Variants in MAGI1 observed in about 807,000 individuals in gnomAD.
MAGI1 encodes the protein membrane associated guanylate kinase, WW and PDZ domain containing 1.
MAGI1 carries 58 observed loss-of-function variants against 139.9 expected under a neutral mutation model. That is an observed-to-expected ratio of 0.41 (90% CI 0.34 to 0.52). MAGI1 has a LOEUF of 0.52. MAGI1 is among the 20% of genes least tolerant of loss of function. The probability of loss-of-function intolerance (pLI) is 0.12; values close to 1 mark genes in which losing one functional copy is unlikely to be tolerated. For missense variants in MAGI1, 1,874 were observed against 1,901.6 expected, an observed-to-expected ratio of 0.99 and a Z score of 0.27; for synonymous variants, 812 against 737.9, an observed-to-expected ratio of 1.10 and a Z score of -1.63.
rs114713124 is a variant in MAGI1, at chr3:65,635,963, T to C, written c.314-13875A>G. On this transcript the variant is annotated intron_variant, in intron 1 of 22. Transcript: ENST00000402939. ...ACTGTGAGAGCAGAAACCACTGTGATACACACATCATTTGATGGGTCTGAA... is the reference window on the plus strand; with the variant it reads ...ACTGTGAGAGCAGAAACCACTGTGACACACACATCATTTGATGGGTCTGAA... 7.4e-3 allele frequency among the ~76,000 whole-genome samples: 1,124 copies of C among 152,320 alleles called. 10 individuals are homozygous for C. The highest frequency in any genetic ancestry group is 0.026 in the African/African-American group (1,087 of 41,584).
At position 65,896,978 on chromosome 3, in the gene MAGI1, T is replaced by A. The variant is rs141606617; in HGVS notation, c.313+141018A>T. The stretch of plus-strand genomic sequence containing the variant: ...CCAGGATCCCCTTGGATACCAAAAA[T>A]CCACAGATGCTCACATCTCTGATAT... On this transcript the variant is annotated intron_variant, in intron 1 of 22. Coordinates refer to ENST00000402939, the MANE Select transcript of MAGI1 (RefSeq NM_001033057.2). Among the ~76,000 whole-genome samples the A allele has an allele frequency of 3.0e-3, 456 of 152,218 alleles. 1 individual carries two copies. Among genetic ancestry groups the A allele is most frequent in the African/African-American group, 0.011 (445 of 41,532 alleles).
chr3:65,694,712 G>A (rs1445811570), intron 1 of MAGI1, among the ~76,000 whole-genome samples: 1 of 152,174 alleles, frequency 6.6e-6, no homozygotes, highest in Non-Finnish European at 1.5e-5. Context: ...TTGTACTCCT[G>A]TGACTAACCC....
chr3:65,743,505 C>T lies in MAGI1; in HGVS notation c.314-121417G>A, dbSNP rs529891878. ...GGCAGATCACCTGAGGTCAGTAGTT[C>T]GAGACCAGCCTGGCCAACATGGTGA... On this transcript the variant is annotated intron_variant, in intron 1 of 22. Coordinates refer to ENST00000402939, the MANE Select transcript of MAGI1 (RefSeq NM_001033057.2). Among the ~76,000 whole-genome samples, 6 of 151,920 alleles carry T rather than the reference C, an allele frequency of 3.9e-5. No individual in the cohort carries two copies. In the East Asian group the frequency reaches 5.8e-4, roughly 15 times the overall value.
At chr3:66,022,191 G>C (rs1311910195) in intron 1 of MAGI1, among the ~76,000 whole-genome samples, 1 of 152,096 alleles carries the variant, frequency 6.6e-6, no homozygotes, top group African/African-American at 2.4e-5. Context: ...CTTTCTTTGG[G>C]ATAATTTATT....
Position 65,356,798 on chromosome 3 carries a change from T to C in MAGI1, c.3969A>G (p.Pro1323=). The change falls in exon 23 of 23, where the codon CCA becomes CCG. Residue 1323 remains proline (P), a synonymous_variant. Coordinates refer to ENST00000402939, the MANE Select transcript of MAGI1 (RefSeq NM_001033057.2). ...TGCGGGTGCCCTCCCTCCGCTTCTCTGGGGACCGCCTCTTGGGGCCGTTGG... is the reference window on the plus strand; with the variant it reads ...TGCGGGTGCCCTCCCTCCGCTTCTCCGGGGACCGCCTCTTGGGGCCGTTGG... ...AAANGPKRRS[P]EKRREGTRSA... 5.6e-6 allele frequency: 9 copies of C among 1,611,084 alleles called. No individual in the cohort carries two copies. Among genetic ancestry groups the C allele is most frequent in the East Asian group, 4.5e-5 (2 of 44,772 alleles).
At chr3:65,898,479 A>T (rs2061076593) in intron 1 of MAGI1, among the ~76,000 whole-genome samples, 1 of 152,236 alleles carries the variant, frequency 6.6e-6, no homozygotes, top group Non-Finnish European at 1.5e-5. Context: ...AAAAAATTAT[A>T]TACACAAATA....
chr3:66,024,325 A>G (rs1265848087), intron 1 of MAGI1, among the ~76,000 whole-genome samples: 1 of 150,484 alleles, frequency 6.6e-6, no homozygotes, highest in Non-Finnish European at 1.5e-5. Flanking sequence ...TAAAAAAAAA[A>G]AAAAAAAAAA....
chr3:65,533,561 T>C (rs1234458793), intron 2 of MAGI1, among the ~76,000 whole-genome samples: 2 of 152,210 alleles, frequency 1.3e-5, no homozygotes, highest in African/African-American at 2.4e-5. Flanking sequence ...TACGTAATTA[T>C]TGAAAAATTC....
intron 1 of MAGI1, among the ~76,000 whole-genome samples, chr3:65,948,446 C>T (rs2063646341): frequency 6.6e-6 from 1 of 152,042 alleles, no homozygotes; most frequent in Non-Finnish European, 1.5e-5. Flanking sequence ...ATACATGTGC[C>T]CTTTTATTAT....
intron 1 of MAGI1, among the ~76,000 whole-genome samples, chr3:65,789,353 C>G (rs1217852945): frequency 6.6e-6 from 1 of 152,168 alleles, no homozygotes; most frequent in Admixed American, 6.5e-5. Context: ...AAGAGCTCCT[C>G]TAGGCTGTAA....
chr3:65,796,206 C>G (rs2040138409), intron 1 of MAGI1, among the ~76,000 whole-genome samples: 1 of 152,092 alleles, frequency 6.6e-6, no homozygotes, highest in African/African-American at 2.4e-5. Flanking sequence ...CTTCTTCCTC[C>G]CAGGAGCTCT....
At chr3:65,691,776 TTCTG>T (rs2088681194) in intron 1 of MAGI1, among the ~76,000 whole-genome samples, 1 of 152,178 alleles carries the variant, frequency 6.6e-6, no homozygotes, top group Non-Finnish European at 1.5e-5. Flanking sequence ...CATTTATCAA[TTCTG>T]TATTTGAGAC....
rs2085927848 is a variant in MAGI1, at chr3:65,657,203, CTAAG to C, written c.314-35119_314-35116del. Among the ~76,000 whole-genome samples the C allele has an allele frequency of 2.0e-5, 3 of 152,044 alleles. No homozygotes were observed. The South Asian group carries it at 6.2e-4, about 32-fold the overall frequency. On this transcript the variant is annotated intron_variant, in intron 1 of 22. Coordinates refer to ENST00000402939, the MANE Select transcript of MAGI1 (RefSeq NM_001033057.2). The stretch of plus-strand genomic sequence containing the variant: ...ATAAGGAAATGGAGGTAAAGGCAGG[CTAAG>C]TAAGTGTCTTACCCAAGGAGATACA...
chr3:65,663,200 C>T (rs151121334), intron 1 of MAGI1, among the ~76,000 whole-genome samples: 58 of 152,276 alleles, frequency 3.8e-4, no homozygotes, highest in African/African-American at 9.6e-4. Flanking sequence ...GAAGTGGAAA[C>T]GCAAATGTTG....
intron 3 of MAGI1, among the ~76,000 whole-genome samples, chr3:65,480,266 A>G (rs1208449580): frequency 2.6e-5 from 4 of 151,856 alleles, no homozygotes; most frequent in Non-Finnish European, 5.9e-5. Flanking sequence ...GGTACAGTGG[A>G]TCATGCCTCT....
intron 7 of MAGI1, among the ~76,000 whole-genome samples, chr3:65,445,311 T>G (rs1157913954): frequency 6.6e-6 from 1 of 152,210 alleles, no homozygotes; most frequent in Non-Finnish European, 1.5e-5. Flanking sequence ...AAGATACTTC[T>G]GAACACTTAG....
At chr3:65,359,618 G>C in intron 22 of MAGI1, 5 of 995,438 alleles carry the variant, frequency 5.0e-6, no homozygotes, top group Non-Finnish European at 6.0e-6. Context: ...AAAAATATTG[G>C]AACTTAACAT....
At chr3:65,801,054 T>C (rs1238890580) in intron 1 of MAGI1, among the ~76,000 whole-genome samples, 3 of 152,194 alleles carry the variant, frequency 2.0e-5, no homozygotes, top group Non-Finnish European at 2.9e-5. Context: ...TATTTGCAAA[T>C]TGTCAAGCAC....
chr3:65,944,610 G>C (rs1435049931), intron 1 of MAGI1, among the ~76,000 whole-genome samples: 3 of 152,116 alleles, frequency 2.0e-5, no homozygotes, highest in African/African-American at 7.2e-5. Flanking sequence ...GAGCAAAAGA[G>C]AGAAAGAACA....
Sources: gnomAD v4.1 joint callset for allele counts (sites outside exome capture counted in the v4.1 genomes callset) on GRCh38, gnomAD v4.1.1 for gene constraint, MANE v1.5 for transcripts, NCBI Gene and HGNC (gene_info 2026-07-23, HGNC 2026-07-21) for gene names.